LARS2: variants seen among roughly 807,000 people sequenced by gnomAD.
LARS2 encodes leucyl-tRNA synthetase 2, mitochondrial, also known as leucine--tRNA ligase, mitochondrial.
Under a neutral mutation model 116.6 loss-of-function variants are expected in LARS2, and 81 were observed. The observed-to-expected ratio is 0.69, with a 90% CI of 0.58 to 0.84. The LOEUF is 0.84. LARS2 is among the 40% of genes least tolerant of loss of function. LARS2 has a pLI of 0.00. For missense variants in LARS2, 968 were observed against 1,114.5 expected (o/e 0.87, Z 1.87); for synonymous variants, 396 against 407.2 (o/e 0.97, Z 0.33).
Position 45,516,111 on chromosome 3 carries a change from G to A in LARS2, c.1879G>A (p.Ala627Thr). ...VDLTGSVPVH[A>T]KTKEKLEVTW... ...GCATCTAGGTTCCGTTCCTGTTCAT[G>A]CAAAAACGAAAGAGAAGTTAGAGGT... is the stretch of plus-strand genomic sequence containing the variant. The change falls in exon 17 of 22, where the codon GCA becomes ACA. Residue 627 changes from alanine (A) to threonine (T), a missense_variant. By Grantham distance (58) the Ala-to-Thr change is moderately conservative. Transcript: ENST00000645846. The A allele has an allele frequency of 6.2e-7, 1 of 1,614,024 alleles. No homozygotes were observed. The highest frequency in any genetic ancestry group is 8.5e-7 in the Non-Finnish European group (1 of 1,179,950).
intron 12 of LARS2, among the ~76,000 whole-genome samples, 163 bp from the exon 13 acceptor site, chr3:45,491,354 C>T (rs1247446974): frequency 3.3e-5 from 5 of 152,190 alleles, no homozygotes; most frequent in Non-Finnish European, 2.9e-5. Flanking sequence ...AAGGAGCCTA[C>T]AAAGGCAGAA....
intron 6 of LARS2, among the ~76,000 whole-genome samples, chr3:45,430,423 C>T (rs534887302): frequency 1.4e-3 from 200 of 148,098 alleles, no homozygotes; most frequent in South Asian, 0.011. Context: ...GGACTACAGG[C>T]GCCTGCCACC....
intron 8 of LARS2, among the ~76,000 whole-genome samples, chr3:45,473,720 CAT>C (rs1699566302): frequency 6.8e-6 from 1 of 147,854 alleles, no homozygotes; most frequent in African/African-American, 2.5e-5. Context: ...CACACATTAA[CAT>C]AGGAATCTTT....
intron 4 of LARS2, among the ~76,000 whole-genome samples, chr3:45,403,559 G>A (rs1034967237): frequency 2.6e-5 from 4 of 152,090 alleles, no homozygotes; most frequent in Non-Finnish European, 5.9e-5. Context: ...CAGATGATCC[G>A]CCCGCCTTGG....
intron 6 of LARS2, among the ~76,000 whole-genome samples, chr3:45,420,777 G>A (rs906699236): frequency 1.3e-5 from 2 of 152,060 alleles, no homozygotes; most frequent in Admixed American, 6.6e-5. Context: ...GGGCAAAAAT[G>A]GACTTAATAA....
chr3:45,524,167 T>A, intron 20 of LARS2, 59 bp downstream of exon 20: 2 of 1,116,950 alleles, frequency 1.8e-6, no homozygotes, highest in East Asian at 4.7e-5. Context: ...TCGAAGCCTC[T>A]TTTTGAACAT....
intron 4 of LARS2, 84 bp from the exon 5 acceptor site, chr3:45,417,398 A>C: frequency 1.0e-6 from 1 of 985,230 alleles, no homozygotes; most frequent in Non-Finnish European, 1.6e-6. Flanking sequence ...TTAGCAGGAG[A>C]GAGTGCTGAG....
rs779019998 is a variant in LARS2, at chr3:45,516,261, T to C, written c.2029T>C (p.Leu677=). ...TGCTGCCCCTCCTGAGAAGGATATCTTGTGGGATGTGAAAAGTAAGTCACC... is the reference window on the plus strand; with the variant it reads ...TGCTGCCCCTCCTGAGAAGGATATCCTGTGGGATGTGAAAAGTAAGTCACC... ...LFAAPPEKDI[L]WDVKTDALPG... is the part of the protein sequence containing the mutation. Residue 677 remains leucine, a synonymous_variant, in exon 17 of 22, where the codon TTG becomes CTG. Transcript: ENST00000645846. The C allele has an allele frequency of 5.6e-6, 9 of 1,613,306 alleles. No homozygotes were observed. The African/African-American group carries it at 1.1e-4, about 19-fold the overall frequency.
At chr3:45,517,387 T>C (rs927932455) in intron 17 of LARS2, among the ~76,000 whole-genome samples, 3 of 152,244 alleles carry the variant, frequency 2.0e-5, no homozygotes, top group Non-Finnish European at 4.4e-5. Context: ...GCAGCTGGAT[T>C]GGATGAGCTT....
intron 6 of LARS2, among the ~76,000 whole-genome samples, chr3:45,431,130 C>T (rs1159581929): frequency 6.6e-6 from 1 of 152,132 alleles, no homozygotes; most frequent in Non-Finnish European, 1.5e-5. Context: ...ATATGACAGA[C>T]AAGTCAAGAA....
chr3:45,486,660 C>T (rs1002260158), intron 11 of LARS2, among the ~76,000 whole-genome samples: 1 of 152,154 alleles, frequency 6.6e-6, no homozygotes, highest in Non-Finnish European at 1.5e-5. Flanking sequence ...TTTGAAGAAA[C>T]GTCAAAGCAG....
chr3:45,513,005 C>G, intron 15 of LARS2, 130 bp from the exon 16 acceptor site: 2 of 692,746 alleles, frequency 2.9e-6, no homozygotes, highest in Non-Finnish European at 2.6e-6. Context: ...TTATAAGTGG[C>G]CTTGGTCAGC....
rs1265093171 is a variant in LARS2 at position 45,419,748 on chromosome 3, C to A, written c.516+19C>A. ...GGATAGGGTAAGTCAACTCTTTTTC[C>A]TGAAAGGTCGTCATTTTAAGGAAGG... On this transcript the variant is annotated intron_variant, in intron 6 of 21. Transcript: ENST00000645846. The A allele has an allele frequency of 6.2e-7, 1 of 1,603,984 alleles. No homozygotes were observed. Among genetic ancestry groups the A allele is most frequent in the East Asian group, 2.2e-5 (1 of 44,850 alleles).
intron 2 of LARS2, among the ~76,000 whole-genome samples, chr3:45,393,783 C>G (rs766938108): frequency 2.6e-5 from 4 of 152,050 alleles, no homozygotes; most frequent in Non-Finnish European, 5.9e-5. Context: ...ATGATTATGC[C>G]ACTGCACTCC....
chr3:45,484,631 ATATAT>A (rs1380957950), intron 10 of LARS2, among the ~76,000 whole-genome samples: 3 of 33,366 alleles, frequency 9.0e-5, no homozygotes, highest in Admixed American at 4.0e-4. Context: ...AAAAAAAAAA[ATATAT>A]ATATATATAT....
Position 45,476,669 on chromosome 3 carries a change from C to T in LARS2, c.1018+42C>T, listed in dbSNP as rs779609689. 6.2e-6 allele frequency: 10 copies of T among 1,605,036 alleles called. No homozygotes were observed. The South Asian group carries it at 8.8e-5, about 14-fold the overall frequency. On this transcript the variant is annotated intron_variant, in intron 10 of 21. Coordinates refer to ENST00000645846, the MANE Select transcript of LARS2 (RefSeq NM_015340.4). Reference sequence around the variant, plus strand: ...ACGGCTCAGGTGGTAGGATTGCTACCTTACATTTGGATGGCGCCTCCCAGA... The same window carrying T: ...ACGGCTCAGGTGGTAGGATTGCTACTTTACATTTGGATGGCGCCTCCCAGA...
In LARS2 at chr3:45,400,236, C is replaced by T. The variant is rs568080843; in HGVS notation, c.235-9C>T. 7.4e-6 allele frequency: 12 copies of T among 1,611,734 alleles called. No homozygotes were observed. In the South Asian group the frequency reaches 9.9e-5, roughly 13 times the overall value. ...TGCTTAATAAATACTCATTGTCGTT[C>T]TTTCCTAGAAATCGAAGCCAAAATT... On this transcript the variant is annotated splice_polypyrimidine_tract_variant and intron_variant, in intron 3 of 21. Coordinates refer to ENST00000645846, the MANE Select transcript of LARS2 (RefSeq NM_015340.4).
chr3:45,509,049 G>A (rs1700241397), intron 15 of LARS2, among the ~76,000 whole-genome samples: 1 of 152,066 alleles, frequency 6.6e-6, no homozygotes. Context: ...CTTACATATA[G>A]CTGTGCTTCA....
intron 6 of LARS2, among the ~76,000 whole-genome samples, chr3:45,435,299 A>ATGGATT (rs1242264330): frequency 1.1e-4 from 16 of 151,170 alleles, no homozygotes; most frequent in Non-Finnish European, 2.4e-4. Context: ...CAAGAGGGGG[A>ATGGATT]TGGATTGTTC....
Sources: allele counts gnomAD v4.1 joint callset (sites outside exome capture counted in the v4.1 genomes callset), GRCh38; gene constraint gnomAD v4.1.1; transcripts MANE v1.5; gene names NCBI Gene and HGNC (gene_info 2026-07-23, HGNC 2026-07-21).